DENND5A: variants seen among roughly 807,000 people sequenced by gnomAD.
The protein encoded by DENND5A is DENN domain-containing protein 5A.
DENND5A carries 64 observed loss-of-function variants against 140.3 expected under a neutral mutation model. The observed-to-expected ratio is 0.46, with a 90% confidence interval of 0.37 to 0.56. The LOEUF (loss-of-function observed/expected upper bound fraction) is 0.56. Ranked by LOEUF, DENND5A falls within the 20% of genes least tolerant of loss-of-function variation. The pLI is 0.00. For missense variants in DENND5A, 1,292 were observed against 1,593.8 expected (o/e 0.81, Z 3.22); for synonymous variants, 605 against 607.7 (o/e 1.00, Z 0.07).
rs144017744 is a variant in DENND5A, at chr11:9,225,542, T to C, written c.110-17910A>G. Among the ~76,000 whole-genome samples the C allele has an allele frequency of 1.3e-4, 20 of 152,258 alleles. No individual in the cohort carries two copies. In the East Asian group the frequency reaches 3.7e-3, roughly 28 times the overall value. Reference sequence around the variant, plus strand: ...TGGGAGGCTGAAGCCAGCCGATCACTTGTGGTCAGGATTTCGAGAACAGCC... The same window carrying C: ...TGGGAGGCTGAAGCCAGCCGATCACCTGTGGTCAGGATTTCGAGAACAGCC... On this transcript the variant is annotated intron_variant, in intron 1 of 22. Coordinates refer to ENST00000328194, the MANE Select transcript of DENND5A (RefSeq NM_015213.4).
At chr11:9,189,171 G>C (rs1195936713) in intron 5 of DENND5A, among the ~76,000 whole-genome samples, 1 of 152,196 alleles carries the variant, frequency 6.6e-6, no homozygotes, top group African/African-American at 2.4e-5. Context: ...GGCTTCAGAG[G>C]GTGCAAGTCC....
At chr11:9,253,928 C>T (rs1386548153) in intron 1 of DENND5A, among the ~76,000 whole-genome samples, 1 of 151,856 alleles carries the variant, frequency 6.6e-6, no homozygotes, top group South Asian at 2.1e-4. Context: ...GAGGCCGAGA[C>T]GGGCGGATCA....
chr11:9,264,759 T>C (rs1157469598), intron 1 of DENND5A, among the ~76,000 whole-genome samples: 2 of 152,106 alleles, frequency 1.3e-5, no homozygotes, highest in Non-Finnish European at 2.9e-5. Context: ...CAGCGGGCCG[T>C]AGGTTTGGAC....
At chr11:9,184,547 C>T (rs927355833) in intron 5 of DENND5A, among the ~76,000 whole-genome samples, 1 of 152,156 alleles carries the variant, frequency 6.6e-6, no homozygotes, top group East Asian at 1.9e-4. Context: ...GTGGTTGCAA[C>T]AATTTACATT....
At chr11:9,239,972 G>C (rs1027228925) in intron 1 of DENND5A, among the ~76,000 whole-genome samples, 2 of 152,090 alleles carry the variant, frequency 1.3e-5, no homozygotes, top group African/African-American at 2.4e-5. Context: ...ATAAATCATA[G>C]AGATTATGTT....
chr11:9,220,887 T>C (rs1850284943), intron 1 of DENND5A, among the ~76,000 whole-genome samples: 1 of 150,608 alleles, frequency 6.6e-6, no homozygotes, highest in African/African-American at 2.4e-5. Context: ...AGCGAGACTC[T>C]GTCTCAAAAA....
intron 1 of DENND5A, among the ~76,000 whole-genome samples, chr11:9,223,702 G>A (rs1438097328): frequency 6.6e-6 from 1 of 152,194 alleles, no homozygotes; most frequent in Non-Finnish European, 1.5e-5. Context: ...CTGGGCAACA[G>A]AGCAAGCAAG....
chr11:9,203,990 T>G lies in DENND5A; in HGVS notation c.619A>C (p.Ile207Leu). ...SRDTLYVSKC[I>L]CLITPMSFMK... ...AAAGACATGGGTGTGATGAGGCAGA[T>G]GCACTTAGAGACGTAGAGAGTGTCC... is the stretch of plus-strand genomic sequence containing the variant. Residue 207 changes from isoleucine (I) to leucine (L), a missense_variant, in exon 4 of 23, where the codon ATC becomes CTC. By Grantham distance (5) the Ile-to-Leu change is conservative. Coordinates refer to ENST00000328194, the MANE Select transcript of DENND5A (RefSeq NM_015213.4). 1 of 1,614,160 alleles carries G rather than the reference T, an allele frequency of 6.2e-7. No individual in the cohort carries two copies. The highest frequency in any genetic ancestry group is 1.6e-4 in the Middle Eastern group (1 of 6,062).
chr11:9,150,929 G>A (rs1292656640), intron 13 of DENND5A, among the ~76,000 whole-genome samples, 165 bp from the exon 14 acceptor site: 5 of 152,102 alleles, frequency 3.3e-5, no homozygotes, highest in Admixed American at 1.3e-4. Context: ...ACTAGAGACC[G>A]AATTTTACAT....
intron 11 of DENND5A, 78 bp downstream of exon 11, chr11:9,165,758 G>A (rs1848167569): frequency 6.6e-7 from 1 of 1,514,986 alleles, no homozygotes; most frequent in Non-Finnish European, 9.1e-7. Context: ...AATCCAGAGG[G>A]AGTGGTCAGA....
chr11:9,189,027 G>T (rs955867747), intron 5 of DENND5A, among the ~76,000 whole-genome samples: 2 of 152,158 alleles, frequency 1.3e-5, no homozygotes, highest in Non-Finnish European at 2.9e-5. Flanking sequence ...ACAGGCCTGG[G>T]GGCCTAGGAG....
In DENND5A at chr11:9,165,927, C is replaced by T. The variant is rs748445112; in HGVS notation, c.2192G>A (p.Arg731His). ...QEARTMGSTI[R>H]QPKLSNLSPS... is the part of the protein sequence containing the mutation. ...AGAGAGGTTGGACAGTTTGGGCTGG[C>T]GGATAGTGCTGCCCATAGTCCTGGC... The change falls in exon 11 of 23, where the codon CGC (arginine) becomes CAC (histidine). Residue 731 changes from arginine (R) to histidine (H), a missense_variant. Transcript: ENST00000328194. 65 of 1,613,868 alleles carry T rather than the reference C, an allele frequency of 4.0e-5. No individual in the cohort carries two copies. Among genetic ancestry groups the T allele is most frequent in the Non-Finnish European group, 5.3e-5 (63 of 1,179,924 alleles).
chr11:9,203,928 G>A lies in DENND5A; in HGVS notation c.681C>T (p.His227=). 6.2e-7 allele frequency: 1 copy of A among 1,614,144 alleles called. No homozygotes were observed. The highest frequency in any genetic ancestry group is 8.5e-7 in the Non-Finnish European group (1 of 1,180,030). The stretch of plus-strand genomic sequence containing the variant: ...GGGGCTGAGGTGAAGTGACTGCCTG[G>A]TGGAGTTGCTCCAGCACGCTCCGAC... ...KACRSVLEQL[H]QAVTSPQPPP... is the part of the protein sequence containing the mutation. Residue 227 remains histidine (H), a synonymous_variant, in exon 4 of 23, where the codon CAC becomes CAT. Coordinates refer to ENST00000328194, the MANE Select transcript of DENND5A (RefSeq NM_015213.4).
At chr11:9,187,859 A>C (rs1259671793) in intron 5 of DENND5A, among the ~76,000 whole-genome samples, 1 of 152,164 alleles carries the variant, frequency 6.6e-6, no homozygotes, top group Non-Finnish European at 1.5e-5. Flanking sequence ...AGGAACAAAA[A>C]GCTTTTTACA....
At chr11:9,154,672 T>C (rs890027389) in intron 12 of DENND5A, among the ~76,000 whole-genome samples, 4 of 151,856 alleles carry the variant, frequency 2.6e-5, no homozygotes, top group African/African-American at 9.7e-5. Flanking sequence ...TTTTAAAATA[T>C]ATAAAAACTA....
rs976329844 is a variant in DENND5A, at chr11:9,254,352, G to A, written c.109+10609C>T. Among the ~76,000 whole-genome samples, 5 of 152,044 alleles carry A rather than the reference G, an allele frequency of 3.3e-5. No homozygotes were observed. In the East Asian group the frequency reaches 9.7e-4, roughly 29 times the overall value. ...TAAGCCAGACCACATCTCAAAATATGTATATATACAGAAATTTAGCTTGTA... is the reference window on the plus strand; with the variant it reads ...TAAGCCAGACCACATCTCAAAATATATATATATACAGAAATTTAGCTTGTA... On this transcript the variant is annotated intron_variant, in intron 1 of 22. Transcript: ENST00000328194.
chr11:9,210,545 G>GTT (rs1849842330), intron 1 of DENND5A, among the ~76,000 whole-genome samples: 1 of 152,074 alleles, frequency 6.6e-6, no homozygotes, highest in African/African-American at 2.4e-5. Context: ...ATCGACATTT[G>GTT]TTGTTGTTGT....
At chr11:9,197,402 C>G (rs1001925832) in intron 4 of DENND5A, among the ~76,000 whole-genome samples, 1 of 147,658 alleles carries the variant, frequency 6.8e-6, no homozygotes, top group African/African-American at 2.5e-5. Context: ...GATACTAGAT[C>G]AAAGAAAAAG....
chr11:9,153,976 C>A (rs1174327104), intron 12 of DENND5A, among the ~76,000 whole-genome samples: 2 of 152,166 alleles, frequency 1.3e-5, no homozygotes, highest in South Asian at 4.1e-4. Context: ...TACATCATAA[C>A]CCTTGTTAAG....
Sources: gnomAD v4.1 joint callset for allele counts (sites outside exome capture counted in the v4.1 genomes callset) on GRCh38, gnomAD v4.1.1 for gene constraint, MANE v1.5 for transcripts, NCBI Gene and HGNC (gene_info 2026-07-23, HGNC 2026-07-21) for gene names.